The following CLEC16A variants were observed in gnomAD, a reference collection of about 807,000 sequenced individuals.
The protein encoded by CLEC16A is protein CLEC16A.
Under a neutral mutation model 109.5 loss-of-function variants are expected in CLEC16A, and 51 were observed. That is an observed-to-expected ratio of 0.47 (90% CI 0.37 to 0.59). CLEC16A has a LOEUF of 0.59. Ranked by LOEUF, CLEC16A falls within the 20% of genes least tolerant of loss-of-function variation. CLEC16A has a pLI of 0.00. For missense variants in CLEC16A, 1,339 were observed against 1,394.0 expected (o/e 0.96, Z 0.63); for synonymous variants, 673 against 564.2 (o/e 1.19, Z -2.73).
At chr16:11,091,509 TG>T (rs2050302896) in intron 19 of CLEC16A, among the ~76,000 whole-genome samples, 3 of 152,204 alleles carry the variant, frequency 2.0e-5, no homozygotes, top group Non-Finnish European at 4.4e-5. Flanking sequence ...CCCCCACCTC[TG>T]CAGGGCTGTC....
intron 12 of CLEC16A, among the ~76,000 whole-genome samples, 168 bp downstream of exon 12, chr16:11,020,493 G>A (rs991594518): frequency 2.0e-5 from 3 of 152,226 alleles, no homozygotes; most frequent in South Asian, 2.1e-4. Flanking sequence ...GCATGGAGAC[G>A]GAGCCATCAC....
chr16:10,979,220 G>C, intron 8 of CLEC16A, 109 bp from the exon 9 acceptor site: 1 of 955,458 alleles, frequency 1.0e-6, no homozygotes, highest in Non-Finnish European at 1.6e-6. Context: ...GAGGAAGTCA[G>C]TGGGACAGGA....
chr16:11,025,527 C>T (rs914023190), intron 13 of CLEC16A, among the ~76,000 whole-genome samples: 2 of 152,168 alleles, frequency 1.3e-5, no homozygotes, highest in Non-Finnish European at 2.9e-5. Flanking sequence ...TTTGCCCCAC[C>T]TGGCTTGACA....
rs371760596 is a variant in CLEC16A at position 10,945,650 on chromosome 16, G to A, written c.80+853G>A. Among the ~76,000 whole-genome samples, 18 of 152,250 alleles carry A rather than the reference G, an allele frequency of 1.2e-4. No homozygotes were observed. In the South Asian group the frequency reaches 1.7e-3, roughly 14 times the overall value. Reference sequence around the variant, plus strand: ...AGATTCCCATTTGCAAATGGGGATCGTGAACATTGTAATGGAAATGGAAGG... The same window carrying A: ...AGATTCCCATTTGCAAATGGGGATCATGAACATTGTAATGGAAATGGAAGG... On this transcript the variant is annotated intron_variant, in intron 1 of 23. Transcript: ENST00000409790.
chr16:11,034,053 C>A (rs183872611), intron 13 of CLEC16A, among the ~76,000 whole-genome samples: 1 of 152,102 alleles, frequency 6.6e-6, no homozygotes, highest in African/African-American at 2.4e-5. Flanking sequence ...GTCTTGGGCT[C>A]TTTGTGTTTT....
intron 22 of CLEC16A, among the ~76,000 whole-genome samples, chr16:11,141,668 C>A (rs555254366): frequency 1.3e-5 from 2 of 152,324 alleles, no homozygotes; most frequent in South Asian, 4.1e-4. Flanking sequence ...CAGTGCGGGG[C>A]CACTGGGGTC....
At chr16:11,121,030 T>C (rs955388567) in intron 20 of CLEC16A, among the ~76,000 whole-genome samples, 37 of 152,218 alleles carry the variant, frequency 2.4e-4, no homozygotes, top group African/African-American at 8.7e-4. Context: ...CAGTGTGACC[T>C]TTCCAGATCT....
At chr16:11,156,494 C>T (rs77658795) in intron 22 of CLEC16A, 69,267 of 786,144 alleles carry the variant, frequency 0.088, 3,388 homozygotes, top group East Asian at 0.1. Flanking sequence ...TGATTCTGCT[C>T]CAGCTGGGGT....
rs776058254 is a variant in CLEC16A, at chr16:11,126,059, C to T, written c.2554C>T (p.Pro852Ser). 6.2e-7 allele frequency: 1 copy of T among 1,613,994 alleles called. No individual in the cohort carries two copies. Among genetic ancestry groups the T allele is most frequent in the East Asian group, 2.2e-5 (1 of 44,878 alleles). ...CTCCTCCACCTCCACTCAGCACCTG[C>T]CTTTCCGCTTCTACGACCAGGGGCG... ...LGSSTSTQHL[P>S]FRFYDQGRRG... Residue 852 changes from proline (P) to serine (S), a missense_variant, in exon 22 of 24, where the codon CCT (proline) becomes TCT (serine). Pro to Ser is a moderately conservative substitution (Grantham distance 74). Around this residue, in one of 3 missense-constraint regions of CLEC16A, gnomAD observed 1,061 missense variants for 1,006.8 expected, o/e 1.05. Coordinates refer to ENST00000409790, the MANE Select transcript of CLEC16A (RefSeq NM_015226.3).
chr16:11,159,727 C>T (rs1045540636), intron 22 of CLEC16A, among the ~76,000 whole-genome samples: 1 of 126,986 alleles, frequency 7.9e-6, no homozygotes, highest in Admixed American at 8.1e-5. Flanking sequence ...CTGTTTTTTT[C>T]CCTGTGGTCT....
At chr16:10,984,712 T>C (rs533669454) in intron 10 of CLEC16A, among the ~76,000 whole-genome samples, 1 of 152,336 alleles carries the variant, frequency 6.6e-6, no homozygotes, top group South Asian at 2.1e-4. Context: ...TAGATATTTC[T>C]CTGCAACTTT....
intron 22 of CLEC16A, among the ~76,000 whole-genome samples, chr16:11,160,459 C>G (rs2153087674): frequency 6.6e-6 from 1 of 152,232 alleles, no homozygotes; most frequent in Non-Finnish European, 1.5e-5. Flanking sequence ...AAAGAGTTGA[C>G]CAAGTGTTTC....
intron 22 of CLEC16A, 134 bp downstream of exon 22, chr16:11,126,280 G>T: frequency 6.5e-7 from 1 of 1,550,160 alleles, no homozygotes; most frequent in Non-Finnish European, 8.7e-7. Context: ...CAGCTTCTTA[G>T]AATTTGTCAA....
chr16:11,119,708 G>T (rs2052260505), intron 19 of CLEC16A, among the ~76,000 whole-genome samples: 1 of 152,054 alleles, frequency 6.6e-6, no homozygotes, highest in Admixed American at 6.5e-5. Flanking sequence ...TGCTCTTTTT[G>T]CTCAGGTGTG....
intron 2 of CLEC16A, among the ~76,000 whole-genome samples, chr16:10,958,916 G>A (rs761710212): frequency 6.6e-6 from 1 of 151,682 alleles, no homozygotes; most frequent in Non-Finnish European, 1.5e-5. Context: ...AAAAAAAATA[G>A]CAAGGGCTGT....
intron 10 of CLEC16A, among the ~76,000 whole-genome samples, chr16:10,992,696 C>A (rs2044098704): frequency 6.6e-6 from 1 of 151,904 alleles, no homozygotes; most frequent in African/African-American, 2.4e-5. Flanking sequence ...CTTGTGCACT[C>A]CCTGCCTCGA....
intron 18 of CLEC16A, among the ~76,000 whole-genome samples, chr16:11,059,378 G>A (rs2048366131): frequency 6.6e-6 from 1 of 152,132 alleles, no homozygotes; most frequent in Non-Finnish European, 1.5e-5. Flanking sequence ...GTGCTTTCTG[G>A]TTTACAGAGG....
chr16:11,126,802 G>A (rs1419987935), intron 22 of CLEC16A: 1 of 152,464 alleles, frequency 6.6e-6, no homozygotes, highest in African/African-American at 2.4e-5. Flanking sequence ...TCGAAAGAGA[G>A]CCTTTCTTTT....
chr16:10,950,917 A>C (rs1197450216), intron 1 of CLEC16A, among the ~76,000 whole-genome samples: 1 of 152,214 alleles, frequency 6.6e-6, no homozygotes, highest in Non-Finnish European at 1.5e-5. Context: ...TTGAAGGAGG[A>C]GCATCCTAAT....
Sources: allele counts gnomAD v4.1 joint callset (sites outside exome capture counted in the v4.1 genomes callset), GRCh38; gene constraint gnomAD v4.1.1; regional missense constraint gnomAD v4.1.1; transcripts MANE v1.5; gene names NCBI Gene and HGNC (gene_info 2026-07-23, HGNC 2026-07-21).